GPC5: variants seen among roughly 807,000 people sequenced by gnomAD.
The protein encoded by GPC5 is glypican 5, also known as glypican-5.
In GPC5, 47 loss-of-function variants were observed where a neutral mutation model predicts 53.9. The observed-to-expected ratio is 0.87, with a 90% CI of 0.69 to 1.11. The LOEUF (loss-of-function observed/expected upper bound fraction) is 1.11. Ranked by LOEUF, GPC5 falls within the 50% of genes most tolerant of loss-of-function variation. The pLI, the probability that GPC5 is intolerant of heterozygous loss-of-function variation, is 0.00. For synonymous variants in GPC5, 286 were observed against 263.3 expected, an observed-to-expected ratio of 1.09 and a Z score of -0.84; for missense variants, 748 against 713.1, an observed-to-expected ratio of 1.05 and a Z score of -0.56.
chr13:92,160,853 T>G (rs2041982617), intron 7 of GPC5, among the ~76,000 whole-genome samples: 1 of 152,148 alleles, frequency 6.6e-6, no homozygotes, highest in Admixed American at 6.5e-5. Flanking sequence ...ATTCCAAGTC[T>G]CTCTCCTTCA....
intron 7 of GPC5, among the ~76,000 whole-genome samples, chr13:92,403,692 A>G (rs1186111699): frequency 6.6e-6 from 1 of 152,216 alleles, no homozygotes; most frequent in African/African-American, 2.4e-5. Context: ...AGCCATTGTT[A>G]TATGGTTACA....
intron 5 of GPC5, among the ~76,000 whole-genome samples, chr13:91,869,533 A>C (rs545366735): frequency 6.6e-6 from 1 of 152,100 alleles, no homozygotes; most frequent in Non-Finnish European, 1.5e-5. Context: ...TATTGCTGCT[A>C]TTCTTTGAGT....
intron 7 of GPC5, among the ~76,000 whole-genome samples, chr13:92,487,910 G>A (rs1011334393): frequency 2.0e-5 from 3 of 151,698 alleles, no homozygotes; most frequent in African/African-American, 7.3e-5. Flanking sequence ...TCCCTTTGAT[G>A]AGAAGAGGTA....
At chr13:91,683,475 T>C (rs928733283) in intron 2 of GPC5, among the ~76,000 whole-genome samples, 1 of 152,154 alleles carries the variant, frequency 6.6e-6, no homozygotes, top group Non-Finnish European at 1.5e-5. Flanking sequence ...GATGCTGTGC[T>C]CCTGGATCCA....
chr13:92,768,307 A>G (rs1472678513), intron 7 of GPC5, among the ~76,000 whole-genome samples: 1 of 152,166 alleles, frequency 6.6e-6, no homozygotes, highest in Non-Finnish European at 1.5e-5. Flanking sequence ...GAATTACTTT[A>G]AGCAAATTTA....
intron 6 of GPC5, among the ~76,000 whole-genome samples, chr13:91,910,893 T>C (rs2039603516): frequency 6.6e-6 from 1 of 152,096 alleles, no homozygotes; most frequent in Admixed American, 6.6e-5. Context: ...AAAACCAGTA[T>C]TGTAGCTGAC....
intron 6 of GPC5, among the ~76,000 whole-genome samples, chr13:91,909,703 A>G (rs972911300): frequency 1.5e-4 from 23 of 152,196 alleles, no homozygotes; most frequent in Non-Finnish European, 2.5e-4. Context: ...CTGTTCCATA[A>G]GAAGTGCACA....
At chr13:91,477,123 A>G (rs58198565) in intron 2 of GPC5, among the ~76,000 whole-genome samples, 18 of 152,310 alleles carry the variant, frequency 1.2e-4, no homozygotes, top group African/African-American at 3.8e-4. Flanking sequence ...GATGAAGATT[A>G]TGGTTTTAAT....
chr13:91,882,223 T>C (rs1238868600), intron 5 of GPC5, among the ~76,000 whole-genome samples: 1 of 152,176 alleles, frequency 6.6e-6, no homozygotes, highest in Admixed American at 6.5e-5. Flanking sequence ...GTATGGTTTT[T>C]ATTTTAAAAA....
chr13:91,620,568 T>C (rs897557377), intron 2 of GPC5, among the ~76,000 whole-genome samples: 3 of 152,172 alleles, frequency 2.0e-5, no homozygotes, highest in South Asian at 4.1e-4. Context: ...CAGATTCATT[T>C]GTTCACATTG....
At chr13:92,092,439 G>C (rs554013028) in intron 6 of GPC5, among the ~76,000 whole-genome samples, 1 of 152,126 alleles carries the variant, frequency 6.6e-6, no homozygotes, top group Non-Finnish European at 1.5e-5. Flanking sequence ...TGTAGAAGTT[G>C]AGCAGCTACC....
chr13:91,677,666 A>C (rs1287676113), intron 2 of GPC5, among the ~76,000 whole-genome samples: 4 of 152,204 alleles, frequency 2.6e-5, no homozygotes. Context: ...TATTTTAAAA[A>C]TTCTTGAATA....
intron 5 of GPC5, among the ~76,000 whole-genome samples, chr13:91,832,811 C>G (rs1012503302): frequency 6.6e-5 from 10 of 151,788 alleles, no homozygotes; most frequent in African/African-American, 1.9e-4. Context: ...AAATTGACAC[C>G]CTAACATCAC....
intron 1 of GPC5, among the ~76,000 whole-genome samples, chr13:91,416,454 TTTATTATTA>T (rs368453925): frequency 6.6e-6 from 1 of 150,990 alleles, no homozygotes; most frequent in Non-Finnish European, 1.5e-5. Context: ...ATCCATTTCT[TTTATTATTA>T]TTATTATTAT....
At chr13:92,652,514 C>T (rs904195032) in intron 7 of GPC5, among the ~76,000 whole-genome samples, 13 of 152,144 alleles carry the variant, frequency 8.5e-5, no homozygotes, top group African/African-American at 3.1e-4. Context: ...CTGCCTTTAC[C>T]TCTCTACTCA....
intron 6 of GPC5, among the ~76,000 whole-genome samples, chr13:91,991,644 C>T (rs143100057): frequency 6.6e-6 from 1 of 152,086 alleles, no homozygotes; most frequent in Non-Finnish European, 1.5e-5. Flanking sequence ...TGTGTGTTTA[C>T]AGACTTTTTT....
chr13:92,193,587 G>T (rs1323294813), intron 7 of GPC5, among the ~76,000 whole-genome samples: 1 of 152,126 alleles, frequency 6.6e-6, no homozygotes, highest in Non-Finnish European at 1.5e-5. Flanking sequence ...AATGATTATA[G>T]TTCAACTCTG....
intron 7 of GPC5, among the ~76,000 whole-genome samples, chr13:92,424,403 T>A (rs555504719): frequency 6.6e-6 from 1 of 152,216 alleles, no homozygotes; most frequent in East Asian, 1.9e-4. Context: ...TATGTACAAA[T>A]AAGCATTCAA....
intron 5 of GPC5, among the ~76,000 whole-genome samples, chr13:91,799,247 T>C (rs1482465260): frequency 6.6e-6 from 1 of 152,186 alleles, no homozygotes; most frequent in African/African-American, 2.4e-5. Flanking sequence ...AATCAAATAT[T>C]GCCTATTCTC....
Sources: allele counts gnomAD v4.1 joint callset (sites outside exome capture counted in the v4.1 genomes callset), GRCh38; gene constraint gnomAD v4.1.1; transcripts MANE v1.5; gene names NCBI Gene and HGNC (gene_info 2026-07-23, HGNC 2026-07-21).